ENOX2: variants seen among roughly 807,000 people sequenced by gnomAD.
ENOX2 encodes ecto-NOX disulfide-thiol exchanger 2, also known as APK1 antigen.
A neutral mutation model predicts 45.0 loss-of-function variants in ENOX2; 36 were observed. The observed-to-expected ratio is 0.80, with a 90% CI of 0.61 to 1.06. ENOX2 has a LOEUF of 1.06. Ranked by LOEUF, ENOX2 falls within the 50% of genes least tolerant of loss-of-function variation. The probability of loss-of-function intolerance (pLI) is 0.00; values close to 1 mark genes in which losing one functional copy is unlikely to be tolerated. For synonymous variants in ENOX2, 174 were observed against 152.3 expected (o/e 1.14, Z -1.05); for missense variants, 423 against 462.5 (o/e 0.91, Z 0.78).
At chrX:130,858,545 C>A (rs1195261428) in intron 2 of ENOX2, among the ~76,000 whole-genome samples, 1 of 111,635 alleles carries the variant, frequency 9.0e-6, no homozygotes, top group East Asian at 2.8e-4. Context: ...ATGACACTAT[C>A]TTCTTTCTCC....
rs768745270 is a variant in ENOX2 at position 130,625,002 on chromosome X, T to C, written c.*312A>G. On this transcript the variant is annotated 3_prime_UTR_variant, in exon 15 of 15. Coordinates refer to ENST00000394363, the MANE Select transcript of ENOX2 (RefSeq NM_006375.4). ...CAGTGTTTAAAAAAATACCAAGGTC[T>C]ACAACAGTAGTACAGACACTGAAAA... The C allele has an allele frequency of 2.8e-4, 51 of 181,769 alleles. No homozygotes were observed. Among genetic ancestry groups the C allele is most frequent in the African/African-American group, 1.1e-3 (37 of 33,060 alleles). 15.0% of individuals were successfully genotyped at this position (181,769 alleles called of 1,213,427 possible).
intron 2 of ENOX2, among the ~76,000 whole-genome samples, chrX:130,858,012 G>A (rs531221601): frequency 9.0e-6 from 1 of 110,876 alleles, no homozygotes; most frequent in East Asian, 2.8e-4. Flanking sequence ...CGCATTTGAG[G>A]TTGGTATTAG....
intron 3 of ENOX2, among the ~76,000 whole-genome samples, chrX:130,739,964 G>A (rs1208682749): frequency 8.9e-6 from 1 of 112,254 alleles, no homozygotes; most frequent in Non-Finnish European, 1.9e-5. Context: ...AGGGCTCTGA[G>A]AAAATACATA....
At chrX:130,640,375 A>T (rs2036047029) in intron 10 of ENOX2, among the ~76,000 whole-genome samples, 1 of 112,335 alleles carries the variant, frequency 8.9e-6, no homozygotes, top group Non-Finnish European at 1.9e-5. Context: ...ATCCTCAAAG[A>T]CCTAGATCCA....
chrX:130,748,179 C>T (rs2039138067), intron 3 of ENOX2, among the ~76,000 whole-genome samples: 1 of 112,052 alleles, frequency 8.9e-6, no homozygotes, highest in South Asian at 3.7e-4. Flanking sequence ...TGTCATGTCA[C>T]TTCATTTTGA....
intron 3 of ENOX2, among the ~76,000 whole-genome samples, chrX:130,709,660 AG>A (rs2038133569): frequency 9.2e-6 from 1 of 108,999 alleles, no homozygotes; most frequent in African/African-American, 3.3e-5. Flanking sequence ...AAAAAAGAAA[AG>A]AAAAGAAAAA....
chrX:130,811,125 A>G (rs1462415603), intron 2 of ENOX2, among the ~76,000 whole-genome samples: 1 of 111,237 alleles, frequency 9.0e-6, no homozygotes, highest in Non-Finnish European at 1.9e-5. Flanking sequence ...AATTCAGGCT[A>G]TCTGCCTACA....
intron 2 of ENOX2, among the ~76,000 whole-genome samples, chrX:130,894,968 T>C (rs986787412): frequency 1.8e-5 from 2 of 111,696 alleles, no homozygotes; most frequent in African/African-American, 6.5e-5. Flanking sequence ...ACAGTTAGAC[T>C]CTGATCTCTA....
At chrX:130,742,245 CTTTT>C (rs67776619) in intron 3 of ENOX2, among the ~76,000 whole-genome samples, 16 of 60,141 alleles carry the variant, frequency 2.7e-4, no homozygotes, top group Admixed American at 8.4e-4. Flanking sequence ...AGATAATTTC[CTTTT>C]TTTTTTTTTT....
At chrX:130,812,829 A>G (rs1221587908) in intron 2 of ENOX2, among the ~76,000 whole-genome samples, 2 of 111,792 alleles carry the variant, frequency 1.8e-5, no homozygotes, top group African/African-American at 6.5e-5. Flanking sequence ...CGGAACCACA[A>G]AAGACCCCAA....
intron 3 of ENOX2, among the ~76,000 whole-genome samples, chrX:130,721,088 G>T (rs1003827824): frequency 9.0e-6 from 1 of 111,674 alleles, no homozygotes; most frequent in African/African-American, 3.3e-5. Flanking sequence ...GGAACCAGGA[G>T]GGAGGTGTCT....
At chrX:130,714,530 T>C (rs1274035228) in intron 3 of ENOX2, among the ~76,000 whole-genome samples, 1 of 111,752 alleles carries the variant, frequency 8.9e-6, no homozygotes, top group Non-Finnish European at 1.9e-5. Context: ...TTCTTATTTA[T>C]AAATAAGAAT....
Position 130,667,674 on chromosome X carries a change from G to A in ENOX2, c.763C>T (p.Arg255Cys), listed in dbSNP as rs1391870850. 1 of 1,211,041 alleles carries A rather than the reference G, an allele frequency of 8.3e-7. No homozygotes were observed. Among genetic ancestry groups the A allele is most frequent in the South Asian group, 1.8e-5 (1 of 56,965 alleles). ...TWIERGEVNR[R>C]SANNFYSMIQ... ...ATGGAGTAGAAGTTATTGGCGCTAC[G>A]ACGGTTGACCTCTCCTCGCTCTATC... is the stretch of plus-strand genomic sequence containing the variant. Residue 255 changes from arginine (R) to cysteine (C), a missense_variant, in exon 8 of 15, where the codon CGT (arginine) becomes TGT (cysteine). Arg to Cys is a radical substitution (Grantham distance 180). This residue lies in a region of ENOX2 where 261 missense variants were observed against 306.8 expected (regional missense o/e 0.85). Transcript: ENST00000394363.
At chrX:130,734,060 T>C (rs1488839637) in intron 3 of ENOX2, among the ~76,000 whole-genome samples, 2 of 112,530 alleles carry the variant, frequency 1.8e-5, no homozygotes, top group Non-Finnish European at 3.8e-5. Flanking sequence ...ACAGTTCAGA[T>C]AGGTGTCCCA....
intron 3 of ENOX2, among the ~76,000 whole-genome samples, chrX:130,743,125 C>T (rs781124791): frequency 4.7e-4 from 52 of 111,270 alleles, no homozygotes; most frequent in Non-Finnish European, 7.5e-4. Flanking sequence ...GAATGATGGG[C>T]CCAAAACTAC....
At chrX:130,649,736 A>G in intron 10 of ENOX2, among the ~76,000 whole-genome samples, 1 of 112,173 alleles carries the variant, frequency 8.9e-6, no homozygotes. Context: ...TTGGATTCCA[A>G]GCACTCCAAA....
At chrX:130,859,042 G>C (rs1260268774) in intron 2 of ENOX2, among the ~76,000 whole-genome samples, 1 of 112,440 alleles carries the variant, frequency 8.9e-6, no homozygotes, top group Non-Finnish European at 1.9e-5. Context: ...AGAAATAACA[G>C]CCTGGCTGGG....
chrX:130,679,808 G>A (rs2037253795), intron 5 of ENOX2, 60 bp from the exon 6 acceptor site: 7 of 911,184 alleles, frequency 7.7e-6, no homozygotes, highest in African/African-American at 1.9e-5. Flanking sequence ...AGACCTCTTC[G>A]AAATCTAACA....
intron 3 of ENOX2, among the ~76,000 whole-genome samples, chrX:130,763,737 G>T (rs2039548441): frequency 9.0e-6 from 1 of 110,895 alleles, no homozygotes; most frequent in Non-Finnish European, 1.9e-5. Flanking sequence ...GTTCCAGCTT[G>T]GTACTTTGCC....
Sources: allele counts gnomAD v4.1 joint callset (sites outside exome capture counted in the v4.1 genomes callset), GRCh38; gene constraint gnomAD v4.1.1; regional missense constraint gnomAD v4.1.1; transcripts MANE v1.5; gene names NCBI Gene and HGNC (gene_info 2026-07-23, HGNC 2026-07-21).